Variants in UBE2E3 observed in about 807,000 individuals in gnomAD.
UBE2E3 encodes ubiquitin conjugating enzyme E2 E3.
A neutral mutation model predicts 23.6 loss-of-function variants in UBE2E3; 5 were observed. That is an observed-to-expected ratio of 0.21 (90% CI 0.11 to 0.44). The LOEUF is 0.44. UBE2E3 is among the 20% of genes least tolerant of loss of function. UBE2E3 has a pLI of 0.99. For synonymous variants in UBE2E3, 78 were observed against 87.5 expected, an observed-to-expected ratio of 0.89 and a Z score of 0.60; for missense variants, 81 against 249.8, an observed-to-expected ratio of 0.32 and a Z score of 4.55.
chr2:181,047,280 G>C (rs1175339117), intron 3 of UBE2E3, among the ~76,000 whole-genome samples: 3 of 152,038 alleles, frequency 2.0e-5, no homozygotes, highest in African/African-American at 7.2e-5. Flanking sequence ...TAGGTGTGGT[G>C]GTCTCATCTC....
intron 3 of UBE2E3, chr2:180,989,788 CATA>C: frequency 7.6e-7 from 1 of 1,320,546 alleles, no homozygotes; most frequent in South Asian, 2.1e-5. Flanking sequence ...TACATGCTCA[CATA>C]ACCAGTCATA....
rs556852290 is a variant in UBE2E3, at chr2:181,013,924, A to G, written c.245+29831A>G. Reference sequence around the variant, plus strand: ...TCATTTTTGGAAAATACAGTTTGCTACAGAAGGGAGAGCAAGAGCAGATGC... The same window carrying G: ...TCATTTTTGGAAAATACAGTTTGCTGCAGAAGGGAGAGCAAGAGCAGATGC... On this transcript the variant is annotated intron_variant, in intron 3 of 5. Coordinates refer to ENST00000410062, the MANE Select transcript of UBE2E3 (RefSeq NM_006357.4). Among the ~76,000 whole-genome samples, 6 of 152,304 alleles carry G rather than the reference A, an allele frequency of 3.9e-5. No individual in the cohort carries two copies. The East Asian group carries it at 1.2e-3, about 29-fold the overall frequency.
intron 2 of UBE2E3, 76 bp downstream of exon 2, chr2:180,982,312 C>T (rs879197001): frequency 7.6e-7 from 1 of 1,321,670 alleles, no homozygotes; most frequent in South Asian, 1.4e-5. Flanking sequence ...GTTGGTTTTA[C>T]CTCAATAGCA....
chr2:180,981,034 G>A (rs1264500489), intron 1 of UBE2E3, 61 bp downstream of exon 1: 1 of 147,022 alleles, frequency 6.8e-6, no homozygotes, highest in African/African-American at 2.4e-5. Context: ...GGCGGTGGGG[G>A]AGGGGGCGGG....
chr2:180,990,336 G>A (rs1404950340), intron 3 of UBE2E3, among the ~76,000 whole-genome samples: 1 of 152,164 alleles, frequency 6.6e-6, no homozygotes, highest in African/African-American at 2.4e-5. Flanking sequence ...AATTATCTGG[G>A]CCAAAATGTC....
At chr2:181,000,251 GATT>G (rs1281069223) in intron 3 of UBE2E3, among the ~76,000 whole-genome samples, 1 of 152,182 alleles carries the variant, frequency 6.6e-6, no homozygotes. Flanking sequence ...ATGGGGTTAA[GATT>G]ATTAAGTGAC....
chr2:180,990,392 C>T (rs2105574268), intron 3 of UBE2E3, among the ~76,000 whole-genome samples: 2 of 152,282 alleles, frequency 1.3e-5, no homozygotes, highest in South Asian at 4.1e-4. Context: ...TGTTCCTGTA[C>T]TTTGCCTCTT....
chr2:181,045,507 T>G (rs1430922506), intron 3 of UBE2E3, among the ~76,000 whole-genome samples: 1 of 152,212 alleles, frequency 6.6e-6, no homozygotes, highest in Non-Finnish European at 1.5e-5. Flanking sequence ...CCATTCTTTC[T>G]GCATATCTGC....
intron 3 of UBE2E3, among the ~76,000 whole-genome samples, chr2:181,011,587 A>AT (rs1301189431): frequency 6.6e-6 from 1 of 152,162 alleles, no homozygotes; most frequent in Non-Finnish European, 1.5e-5. Flanking sequence ...TTTAAGAAAA[A>AT]TAATGCACTG....
chr2:181,017,763 A>G (rs1685542360), intron 3 of UBE2E3, among the ~76,000 whole-genome samples: 1 of 146,058 alleles, frequency 6.8e-6, no homozygotes, highest in African/African-American at 2.6e-5. Context: ...AGTTAGATCT[A>G]GTATGCTTTG....
intron 3 of UBE2E3, among the ~76,000 whole-genome samples, chr2:181,017,651 AT>A (rs11481231): frequency 6.9e-6 from 1 of 145,882 alleles, no homozygotes; most frequent in Admixed American, 6.9e-5. Flanking sequence ...TCCTTGATCC[AT>A]TTTTTTTTTT....
intron 3 of UBE2E3, among the ~76,000 whole-genome samples, chr2:181,043,071 A>G (rs1308784716): frequency 6.6e-6 from 1 of 152,210 alleles, no homozygotes; most frequent in African/African-American, 2.4e-5. Context: ...AAAATAAATG[A>G]AAGTGCCATT....
At chr2:181,039,644 G>A (rs1686418477) in intron 3 of UBE2E3, among the ~76,000 whole-genome samples, 1 of 143,092 alleles carries the variant, frequency 7.0e-6, no homozygotes, top group Admixed American at 6.9e-5. Flanking sequence ...TTTTGGCTAT[G>A]ATAAAATTTC....
At chr2:181,020,742 G>C (rs954548921) in intron 3 of UBE2E3, among the ~76,000 whole-genome samples, 6 of 152,228 alleles carry the variant, frequency 3.9e-5, no homozygotes, top group Non-Finnish European at 7.4e-5. Flanking sequence ...AAAGGTAAAT[G>C]GTTAAAGTGG....
chr2:181,002,339 A>G (rs1016369179), intron 3 of UBE2E3, among the ~76,000 whole-genome samples: 9 of 152,218 alleles, frequency 5.9e-5, no homozygotes, highest in African/African-American at 2.2e-4. Context: ...TGCGTTAGGT[A>G]AGGCATCCTA....
intron 5 of UBE2E3, among the ~76,000 whole-genome samples, chr2:181,061,018 A>G (rs1221491109): frequency 6.6e-6 from 1 of 151,228 alleles, no homozygotes; most frequent in Non-Finnish European, 1.5e-5. Context: ...CCTTCATTTA[A>G]TTTGTTAATG....
intron 5 of UBE2E3, among the ~76,000 whole-genome samples, chr2:181,062,232 T>G (rs1216416008): frequency 6.6e-6 from 1 of 151,670 alleles, no homozygotes; most frequent in African/African-American, 2.4e-5. Context: ...TATGTACATA[T>G]TTTTTTGTTT....
chr2:181,036,999 A>T (rs762010025), intron 3 of UBE2E3, among the ~76,000 whole-genome samples: 15 of 152,230 alleles, frequency 9.9e-5, no homozygotes, highest in Non-Finnish European at 1.9e-4. Flanking sequence ...GTGACCTCAC[A>T]TCATCCATAG....
At chr2:181,060,857 AGT>A in intron 5 of UBE2E3, 45 bp downstream of exon 5, 1 of 533,942 alleles carries the variant, frequency 1.9e-6, no homozygotes. Flanking sequence ...TACAAAAACG[AGT>A]GCTTTTTTTT....
Sources: gnomAD v4.1 joint callset for allele counts (sites outside exome capture counted in the v4.1 genomes callset) on GRCh38, gnomAD v4.1.1 for gene constraint, MANE v1.5 for transcripts, NCBI Gene and HGNC (gene_info 2026-07-23, HGNC 2026-07-21) for gene names.